SIMC1: variants seen among roughly 807,000 people sequenced by gnomAD.
SIMC1 encodes the protein SUMO interacting motifs containing 1.
SIMC1 carries 55 observed loss-of-function variants against 82.3 expected under a neutral mutation model. That is an observed-to-expected ratio of 0.67 (90% CI 0.54 to 0.84). SIMC1 has a LOEUF of 0.84. Ranked by LOEUF, SIMC1 falls within the 40% of genes least tolerant of loss-of-function variation. SIMC1 has a pLI of 0.00. For missense variants in SIMC1, 915 were observed against 1,107.2 expected (o/e 0.83, Z 2.46); for synonymous variants, 353 against 426.3 (o/e 0.83, Z 2.12).
intron 7 of SIMC1, among the ~76,000 whole-genome samples, chr5:176,330,280 T>A (rs1275228110): frequency 6.6e-6 from 1 of 151,928 alleles, no homozygotes; most frequent in African/African-American, 2.4e-5. Context: ...ATACGCCTGT[T>A]ATCTCAGCTA....
intron 1 of SIMC1, among the ~76,000 whole-genome samples, chr5:176,264,866 A>G (rs1434662799): frequency 6.6e-6 from 1 of 152,186 alleles, no homozygotes; most frequent in Non-Finnish European, 1.5e-5. Context: ...AGCTGGTGCA[A>G]TTAGTTAAGA....
At chr5:176,289,557 A>G (rs1045489393) in intron 1 of SIMC1, 97 bp from the exon 2 acceptor site, 4 of 945,504 alleles carry the variant, frequency 4.2e-6, no homozygotes, top group Non-Finnish European at 6.2e-6. Context: ...GTGAAATGGT[A>G]AAGTAATGCT....
At chr5:176,284,288 C>T (rs1763160889) in intron 1 of SIMC1, among the ~76,000 whole-genome samples, 2 of 152,212 alleles carry the variant, frequency 1.3e-5, no homozygotes, top group African/African-American at 4.8e-5. Context: ...AAGCACTCCT[C>T]AGCAAATGTA....
rs1432371580 is a variant in SIMC1, at chr5:176,345,608, A to G, written c.*163A>G. On this transcript the variant is annotated 3_prime_UTR_variant, in exon 10 of 10. Coordinates refer to ENST00000429602, the MANE Select transcript of SIMC1 (RefSeq NM_001308195.2). The stretch of plus-strand genomic sequence containing the variant: ...AACTCTAGTAAATATCTTTTTTTAA[A>G]TAATCCTATCCTAGCCTGTTCTCAA... 3 of 704,342 alleles carry G rather than the reference A, an allele frequency of 4.3e-6. No homozygotes were observed. The highest frequency in any genetic ancestry group is 6.6e-6 in the Non-Finnish European group (3 of 456,494). 43.6% of individuals were successfully genotyped at this position (704,342 alleles called of 1,614,324 possible). A position where few individuals can be genotyped will look rare whatever the true frequency, so the allele number is the denominator to read the frequency against.
intron 4 of SIMC1, among the ~76,000 whole-genome samples, chr5:176,305,482 A>G (rs1764291764): frequency 3.7e-5 from 3 of 81,740 alleles, no homozygotes; most frequent in African/African-American, 1.5e-4. Context: ...CCCTACTGGG[A>G]AGTGAGGAGC....
chr5:176,244,821 A>G (rs549480652), intron 1 of SIMC1, among the ~76,000 whole-genome samples: 1 of 146,462 alleles, frequency 6.8e-6, no homozygotes, highest in South Asian at 2.1e-4. Context: ...TACCTGGCTC[A>G]AGTGATTCTC....
rs374787791 is a variant in SIMC1 at position 176,290,183 on chromosome 5, C to T, written c.659C>T (p.Pro220Leu). Residue 220 changes from proline to leucine, a missense_variant, in exon 2 of 10, where the codon CCG becomes CTG. Physicochemically the swap from Pro to Leu is moderately conservative, Grantham distance 98. This residue lies in a region of SIMC1 where 902 missense variants were observed against 1,040.3 expected (regional missense o/e 0.87). Transcript: ENST00000429602. ...GTATCTCGCCCACCACAGGCCTTGC[C>T]GTGCCCCCTGCGACCTTTGCCATGC... is the stretch of plus-strand genomic sequence containing the variant. ...QDVSRPPQAL[P>L]CPLRPLPCPP... is the part of the protein sequence containing the mutation. 1.9e-5 allele frequency: 31 copies of T among 1,612,106 alleles called. No individual in the cohort carries two copies. The highest frequency in any genetic ancestry group is 6.7e-5 in the African/African-American group (5 of 74,844).
chr5:176,330,506 T>G (rs1765602478), intron 7 of SIMC1, among the ~76,000 whole-genome samples: 1 of 151,212 alleles, frequency 6.6e-6, no homozygotes, highest in Non-Finnish European at 1.5e-5. Flanking sequence ...TGCCACAAAG[T>G]AAGGAAATAT....
chr5:176,259,662 A>G (rs1415807439), intron 1 of SIMC1, among the ~76,000 whole-genome samples: 1 of 151,058 alleles, frequency 6.6e-6, no homozygotes. Flanking sequence ...AGTCCCACCT[A>G]CTCTGGAGGC....
chr5:176,263,853 C>T (rs1762097738), intron 1 of SIMC1, among the ~76,000 whole-genome samples: 1 of 152,120 alleles, frequency 6.6e-6, no homozygotes, highest in Non-Finnish European at 1.5e-5. Context: ...AGGCTAATTT[C>T]TTCCAGCTGT....
intron 1 of SIMC1, among the ~76,000 whole-genome samples, chr5:176,284,808 A>G (rs10476189): frequency 0.73 from 111,630 of 152,058 alleles, 41,144 homozygotes; most frequent in Middle Eastern, 0.84. Context: ...TAACCTCAGA[A>G]AATACTATAA....
chr5:176,251,338 G>A (rs916583254), intron 1 of SIMC1, among the ~76,000 whole-genome samples: 14 of 152,146 alleles, frequency 9.2e-5, no homozygotes, highest in Admixed American at 3.3e-4. Flanking sequence ...CCAGCCTGGC[G>A]ACAGAGCAAG....
intron 1 of SIMC1, among the ~76,000 whole-genome samples, chr5:176,257,396 G>A (rs1420802101): frequency 6.6e-6 from 1 of 152,136 alleles, no homozygotes; most frequent in East Asian, 1.9e-4. Flanking sequence ...GACTGTACAG[G>A]AAGCATGGTG....
At chr5:176,305,842 C>T (rs1234172970) in intron 4 of SIMC1, among the ~76,000 whole-genome samples, 5 of 65,390 alleles carry the variant, frequency 7.6e-5, no homozygotes, top group Non-Finnish European at 1.6e-4. Context: ...CCGCCCCGTC[C>T]GGGAGGGAGG....
intron 1 of SIMC1, among the ~76,000 whole-genome samples, chr5:176,260,269 G>C (rs1193713392): frequency 6.6e-6 from 1 of 152,100 alleles, no homozygotes; most frequent in Non-Finnish European, 1.5e-5. Context: ...GCTAAACTAT[G>C]AGGATGCAAA....
At chr5:176,276,356 T>A (rs1188570962) in intron 1 of SIMC1, among the ~76,000 whole-genome samples, 3 of 151,816 alleles carry the variant, frequency 2.0e-5, no homozygotes, top group Non-Finnish European at 4.4e-5. Flanking sequence ...GTTTGATTCT[T>A]CTCTCTTTTT....
At chr5:176,246,674 A>G (rs1238259755) in intron 1 of SIMC1, among the ~76,000 whole-genome samples, 1 of 151,904 alleles carries the variant, frequency 6.6e-6, no homozygotes, top group Non-Finnish European at 1.5e-5. Context: ...GGTTTGTTAC[A>G]TAGGTATACA....
At chr5:176,270,529 T>C (rs1033507880) in intron 1 of SIMC1, 7 of 152,050 alleles carry the variant, frequency 4.6e-5, no homozygotes, top group Non-Finnish European at 1.0e-4. Flanking sequence ...AGGTGAGCAA[T>C]CACAGTACCT....
chr5:176,292,599 G>A (rs185156084), intron 2 of SIMC1, among the ~76,000 whole-genome samples: 2 of 151,930 alleles, frequency 1.3e-5, no homozygotes, highest in African/African-American at 4.8e-5. Flanking sequence ...GGAGTACAGT[G>A]GTACGATCTC....
Sources: allele counts gnomAD v4.1 joint callset (sites outside exome capture counted in the v4.1 genomes callset), GRCh38; gene constraint gnomAD v4.1.1; regional missense constraint gnomAD v4.1.1; transcripts MANE v1.5; gene names NCBI Gene and HGNC (gene_info 2026-07-23, HGNC 2026-07-21).